The following ACOT11 variants were observed in gnomAD, a reference collection of about 807,000 sequenced individuals.
The protein encoded by ACOT11 is acyl-coenzyme A thioesterase 11.
A neutral mutation model predicts 77.5 loss-of-function variants in ACOT11; 69 were observed. That is an observed-to-expected ratio of 0.89 (90% CI 0.73 to 1.09). The LOEUF is 1.09. ACOT11 is among the 50% of genes least tolerant of loss of function. The pLI is 0.00. For synonymous variants in ACOT11, 279 were observed against 313.0 expected (o/e 0.89, Z 1.15); for missense variants, 766 against 813.7 (o/e 0.94, Z 0.71).
intron 1 of ACOT11, among the ~76,000 whole-genome samples, chr1:54,579,686 C>T (rs1654235424): frequency 6.6e-6 from 1 of 152,112 alleles, no homozygotes; most frequent in Non-Finnish European, 1.5e-5. Flanking sequence ...TGCAAGGCCT[C>T]TTCTCCCTGC....
Position 54,584,292 on chromosome 1 carries a change from GC to G in ACOT11, c.34-362del, listed in dbSNP as rs202160778. On this transcript the variant is annotated intron_variant, in intron 1 of 15. Coordinates refer to ENST00000343744, the MANE Select transcript of ACOT11 (RefSeq NM_147161.4). The surrounding 1 kb of genome is among the most constrained non-coding windows in gnomAD (Gnocchi z 6.3). ...TCTCTAGGCCTCCCTGCATAGAGAG[GC>G]GACTCTTTCCAGAATGAACGTAAAT... 0.41 allele frequency among the ~76,000 whole-genome samples: 62,520 copies of G among 151,814 alleles called. 14,443 individuals are homozygous for G. The highest frequency in any genetic ancestry group is 0.54 in the Non-Finnish European group (36,855 of 67,834).
At chr1:54,565,629 C>T (rs969832599) in intron 1 of ACOT11, among the ~76,000 whole-genome samples, 2 of 152,074 alleles carry the variant, frequency 1.3e-5, no homozygotes, top group African/African-American at 4.8e-5. Context: ...AAAGGGCCCC[C>T]AAGAACGAGA....
rs957342450 is a variant in ACOT11, at chr1:54,592,532, T to A, written c.312-14T>A. The A allele has an allele frequency of 3.1e-6, 5 of 1,609,502 alleles. No homozygotes were observed. The Admixed American group carries it at 6.7e-5, about 22-fold the overall frequency. ...CCCCTCTGGAAGGCTCACCTCCTAC[T>A]TTCCTCTCCCCAGTGTTGGACAAGT... On this transcript the variant is annotated splice_polypyrimidine_tract_variant and intron_variant, in intron 3 of 15. Transcript: ENST00000343744.
chr1:54,564,709 A>G (rs969651630), intron 1 of ACOT11, among the ~76,000 whole-genome samples: 1 of 152,032 alleles, frequency 6.6e-6, no homozygotes, highest in African/African-American at 2.4e-5. Flanking sequence ...GGGAGGGACA[A>G]GTGGGAGGTC....
rs895380969 is a variant in ACOT11, at chr1:54,580,906, G to A, written c.34-3749G>A. ...GGTGGAAGTGGCACCTTCATGTTGG[G>A]GGAAGACAGCGGGAGTGAGAGTGGT... is the stretch of plus-strand genomic sequence containing the variant. On this transcript the variant is annotated intron_variant, in intron 1 of 15. Coordinates refer to ENST00000343744, the MANE Select transcript of ACOT11 (RefSeq NM_147161.4). Among the ~76,000 whole-genome samples, 3 of 152,344 alleles carry A rather than the reference G, an allele frequency of 2.0e-5. No homozygotes were observed. In the South Asian group the frequency reaches 6.2e-4, roughly 32 times the overall value.
At chr1:54,602,766 C>A in intron 10 of ACOT11, 42 bp downstream of exon 10, 1 of 1,489,944 alleles carries the variant, frequency 6.7e-7, no homozygotes, top group Non-Finnish European at 8.9e-7. Context: ...GGATTCGGGG[C>A]TGTTCACGCT....
At chr1:54,597,593 A>G in intron 7 of ACOT11, 178 bp downstream of exon 7, 2 of 817,536 alleles carry the variant, frequency 2.4e-6, no homozygotes, top group Non-Finnish European at 3.7e-6. Flanking sequence ...TCTACTAAAA[A>G]AGCTAGCATC....
chr1:54,633,860 C>T (rs1194966906), intron 16 of ACOT11, among the ~76,000 whole-genome samples: 1 of 152,210 alleles, frequency 6.6e-6, no homozygotes, highest in African/African-American at 2.4e-5. Context: ...GGCAGAGTTA[C>T]AACTGATTGA....
At chr1:54,612,590 G>C, downstream of ACOT11, 1 of 1,614,104 alleles carries the variant, frequency 6.2e-7, no homozygotes, top group Non-Finnish European at 8.5e-7. Context: ...CCACCAGCTC[G>C]TGCATCTTCT....
chr1:54,560,570 G>A (rs1557646208), intron 1 of ACOT11, among the ~76,000 whole-genome samples: 1 of 152,084 alleles, frequency 6.6e-6, no homozygotes, highest in East Asian at 1.9e-4. Context: ...ACTCTGTTGT[G>A]CAGGCTGGAG....
At chr1:54,612,402 GA>G, downstream of ACOT11, 1 of 991,936 alleles carries the variant, frequency 1.0e-6, no homozygotes, top group Middle Eastern at 2.2e-4. Flanking sequence ...TGACCTTTAA[GA>G]CCCTTCCAGC....
intron 15 of ACOT11, among the ~76,000 whole-genome samples, 164 bp downstream of exon 15, chr1:54,608,232 T>A (rs1358447389): frequency 6.6e-6 from 1 of 152,050 alleles, no homozygotes; most frequent in Non-Finnish European, 1.5e-5. Flanking sequence ...CTGAAAATGA[T>A]CTAATCTGTG....
chr1:54,635,210 C>T (rs57173428), exon 17 of ACOT11: 8 of 225,986 alleles, frequency 3.5e-5, no homozygotes, highest in Non-Finnish European at 5.2e-5. Flanking sequence ...TGCTGCACAA[C>T]GATTCCTATG....
Position 54,617,155 on chromosome 1 carries a change from A to G in ACOT11, c.1629+9087A>G, listed in dbSNP as rs187847676. On this transcript the variant is annotated intron_variant, in intron 15 of 16. Coordinates refer to the ACOT11 transcript ENST00000371316. ...ACATAGTTAACTCAATCAGGTGGAC[A>G]TCTTCTGATTCCTGCCTTCAAGAAT... Among the ~76,000 whole-genome samples, 3 of 152,294 alleles carry G rather than the reference A, an allele frequency of 2.0e-5. No individual in the cohort carries two copies. The East Asian group carries it at 5.8e-4, about 29-fold the overall frequency.
intron 15 of ACOT11, among the ~76,000 whole-genome samples, chr1:54,630,507 C>T (rs753987378): frequency 5.3e-5 from 8 of 152,234 alleles, no homozygotes; most frequent in Non-Finnish European, 1.2e-4. Context: ...TGATCTGTGT[C>T]TTAAGGGCGT....
chr1:54,607,982 A>G lies in ACOT11; in HGVS notation c.1543A>G (p.Thr515Ala). Residue 515 changes from threonine (T) to alanine (A), a missense_variant, in exon 15 of 16, where the codon ACA becomes GCA. Physicochemically the swap from Thr to Ala is moderately conservative, Grantham distance 58. Coordinates refer to ENST00000343744, the MANE Select transcript of ACOT11 (RefSeq NM_147161.4). This position sits in a 1 kb window ranked among gnomAD's most constrained non-coding sequence, Gnocchi z 4.5. ...VIALRSVTLP[T>A]HRETPEYRRG... is the part of the protein sequence containing the mutation. ...CGCGCTGAGGTCGGTCACGCTGCCC[A>G]CACACCGAGAGACGCCAGAGTACAG... 6.2e-7 allele frequency: 1 copy of G among 1,613,504 alleles called. No individual in the cohort carries two copies.
chr1:54,626,558 C>T lies in ACOT11; in HGVS notation c.1630-4176C>T, dbSNP rs151041653. The stretch of plus-strand genomic sequence containing the variant: ...CAAAGAAATCAAGGCTTGGAGAGGT[C>T]GAGACTTGTCCCAAGTCACCTCTAT... On this transcript the variant is annotated intron_variant, in intron 15 of 16. Transcript: ENST00000371316. Among the ~76,000 whole-genome samples, 501 of 152,260 alleles carry T rather than the reference C, an allele frequency of 3.3e-3. 7 individuals carry two copies. Among genetic ancestry groups the T allele is most frequent in the Middle Eastern group, 0.014 (4 of 294 alleles).
chr1:54,601,732 A>G (rs1384093834), intron 9 of ACOT11, among the ~76,000 whole-genome samples: 1 of 152,136 alleles, frequency 6.6e-6, no homozygotes, highest in Non-Finnish European at 1.5e-5. Flanking sequence ...CCTCGCCTCT[A>G]CTACATTCAA....
chr1:54,567,282 C>CT (rs5774191), intron 1 of ACOT11, among the ~76,000 whole-genome samples: 58,468 of 139,698 alleles, frequency 0.42, 13,075 homozygotes, highest in Non-Finnish European at 0.52. Context: ...GACTTTTTTC[C>CT]TTTTTTTTTT....
Sources: allele counts gnomAD v4.1 joint callset (sites outside exome capture counted in the v4.1 genomes callset), GRCh38; gene constraint gnomAD v4.1.1; non-coding constraint Gnocchi (gnomAD v3.1); transcripts MANE v1.5; gene names NCBI Gene and HGNC (gene_info 2026-07-23, HGNC 2026-07-21).